LIPI: variants seen among roughly 807,000 people sequenced by gnomAD.
LIPI encodes lipase member I.
A neutral mutation model predicts 50.6 loss-of-function variants in LIPI; 59 were observed. That is an observed-to-expected ratio of 1.16 (90% confidence interval 0.94 to 1.45). LIPI has a LOEUF of 1.45. LIPI is among the 40% of genes most tolerant of loss of function. The probability of loss-of-function intolerance (pLI) is 0.00; values close to 1 mark genes in which losing one functional copy is unlikely to be tolerated. For missense variants in LIPI, 586 were observed against 536.3 expected (o/e 1.09, Z -0.92); for synonymous variants, 203 against 178.2 (o/e 1.14, Z -1.11).
chr21:14,142,340 T>C (rs2017740954), intron 9 of LIPI, among the ~76,000 whole-genome samples: 1 of 151,306 alleles, frequency 6.6e-6, no homozygotes, highest in Admixed American at 6.6e-5. Flanking sequence ...TGAAATAACA[T>C]TGAATAAATA....
In LIPI at chr21:14,109,078, G is replaced by T; in HGVS notation, c.1298C>A (p.Pro433Gln). 1 of 1,593,174 alleles carries T rather than the reference G, an allele frequency of 6.3e-7. No individual in the cohort carries two copies. The highest frequency in any genetic ancestry group is 8.6e-7 in the Non-Finnish European group (1 of 1,161,850). The change falls in exon 10 of 10, where the codon CCA (proline) becomes CAA (glutamine). Residue 433 changes from proline to glutamine, a missense_variant and splice_region_variant. Coordinates refer to ENST00000681601, the MANE Select transcript of LIPI (RefSeq NM_001302998.2). ...MLKSLTYPER[P>Q]PLCRYNIVLK... ...TACAATATTATACCTGCAAAGTGGT[G>T]GTCTGAGAAAGAGAAAAATGGAGAG... is the stretch of plus-strand genomic sequence containing the variant.
At chr21:14,192,298 C>T (rs1443721392) in intron 1 of LIPI, among the ~76,000 whole-genome samples, 2 of 152,076 alleles carry the variant, frequency 1.3e-5, no homozygotes, top group Non-Finnish European at 2.9e-5. Context: ...AACCTCATTT[C>T]TACTAAAAAT....
At chr21:14,114,972 C>A (rs1426810558) in intron 9 of LIPI, among the ~76,000 whole-genome samples, 1 of 152,120 alleles carries the variant, frequency 6.6e-6, no homozygotes, top group African/African-American at 2.4e-5. Context: ...AAACAACATC[C>A]TTAAAGAATT....
chr21:14,196,126 G>GTT (rs35760637), intron 1 of LIPI, among the ~76,000 whole-genome samples: 7,419 of 136,522 alleles, frequency 0.054, 631 homozygotes, highest in African/African-American at 0.17. Context: ...AGTTCGTAGC[G>GTT]TTTTTTTTTT....
intron 1 of LIPI, among the ~76,000 whole-genome samples, chr21:14,196,172 A>AAAACAAT (rs139955022): frequency 1.9e-4 from 26 of 138,332 alleles, no homozygotes; most frequent in Non-Finnish European, 2.9e-4. Context: ...AAAAAACAAA[A>AAAACAAT]CAAGAAGTAT....
At chr21:14,172,092 T>G (rs551845445) in intron 4 of LIPI, among the ~76,000 whole-genome samples, 136 of 152,276 alleles carry the variant, frequency 8.9e-4, no homozygotes, top group Admixed American at 2.5e-3. Context: ...AAGACACCTA[T>G]GCAGCCAAAA....
chr21:14,162,061 CT>C (rs1360633019), intron 7 of LIPI, among the ~76,000 whole-genome samples: 3 of 148,294 alleles, frequency 2.0e-5, no homozygotes, highest in South Asian at 2.1e-4. Context: ...ATCTCTACCC[CT>C]ATTGATAGAT....
At chr21:14,189,919 T>C (rs1389344482) in intron 1 of LIPI, among the ~76,000 whole-genome samples, 2 of 152,098 alleles carry the variant, frequency 1.3e-5, no homozygotes, top group African/African-American at 4.8e-5. Flanking sequence ...AACATGAATG[T>C]TGAGATCATA....
intron 3 of LIPI, among the ~76,000 whole-genome samples, chr21:14,182,091 G>A (rs1449135060): frequency 6.6e-6 from 1 of 152,106 alleles, no homozygotes; most frequent in African/African-American, 2.4e-5. Context: ...ACAAAATATT[G>A]TCGGAATTTT....
chr21:14,174,949 A>G (rs187467699), intron 4 of LIPI, among the ~76,000 whole-genome samples: 62 of 152,310 alleles, frequency 4.1e-4, no homozygotes, highest in African/African-American at 1.5e-3. Flanking sequence ...TATTTTATGT[A>G]GGCTTTTGTT....
chr21:14,141,598 T>C (rs186145960), intron 9 of LIPI, among the ~76,000 whole-genome samples: 19 of 151,090 alleles, frequency 1.3e-4, no homozygotes, highest in Admixed American at 6.6e-4. Context: ...CCTTTTCTTC[T>C]TGCATTGCTA....
chr21:14,163,492 T>C lies in LIPI; in HGVS notation c.933A>G (p.Leu311=). 6.3e-7 allele frequency: 1 copy of C among 1,584,370 alleles called. No homozygotes were observed. Among genetic ancestry groups the C allele is most frequent in the Non-Finnish European group, 8.7e-7 (1 of 1,153,194 alleles). Residue 311 remains leucine, a synonymous_variant, in exon 7 of 10, where the codon TTA becomes TTG. Transcript: ENST00000681601. ...GYQAKLFKGV[L]KERMEGRPLR... ...GAGGTCTTCCTTCCATCCTTTCTTT[T>C]AAAACACCTTTAAATAGCTTGGCTT...
intron 2 of LIPI, among the ~76,000 whole-genome samples, chr21:14,187,783 C>A (rs1183893965): frequency 6.6e-6 from 1 of 152,062 alleles, no homozygotes; most frequent in Non-Finnish European, 1.5e-5. Flanking sequence ...AAATGTCACC[C>A]ACTGATTAAG....
intron 4 of LIPI, among the ~76,000 whole-genome samples, chr21:14,172,572 T>C (rs2018953602): frequency 6.6e-6 from 1 of 151,870 alleles, no homozygotes; most frequent in African/African-American, 2.4e-5. Context: ...TGTAGGGACA[T>C]GGATGAAATT....
intron 4 of LIPI, among the ~76,000 whole-genome samples, chr21:14,173,153 A>C (rs1055314669): frequency 6.6e-6 from 1 of 152,198 alleles, no homozygotes; most frequent in Non-Finnish European, 1.5e-5. Flanking sequence ...TATTTGTGCG[A>C]ATACGCTCGG....
At chr21:14,165,154 C>A (rs536620098) in intron 6 of LIPI, 69 bp downstream of exon 6, 19 of 1,231,362 alleles carry the variant, frequency 1.5e-5, no homozygotes, top group Non-Finnish European at 2.1e-5. Context: ...TAGCTTCCAG[C>A]AGAAAATACT....
intron 7 of LIPI, 67 bp from the exon 8 acceptor site, chr21:14,152,751 G>C: frequency 1.4e-6 from 1 of 730,866 alleles, no homozygotes; most frequent in East Asian, 2.8e-5. Context: ...TACATATTCA[G>C]ATATATATAT....
Position 14,181,616 on chromosome 21 carries a change from T to C in LIPI, c.643+142A>G, listed in dbSNP as rs2019272402. The C allele has an allele frequency of 4.9e-6, 3 of 617,904 alleles. No individual in the cohort carries two copies. The African/African-American group carries it at 5.5e-5, about 11-fold the overall frequency. The allele number at this position is 617,904 out of a possible 1,614,324, so 38.3% of individuals were successfully genotyped here. On this transcript the variant is annotated intron_variant, in intron 4 of 9. Transcript: ENST00000681601. Reference sequence around the variant, plus strand: ...ATCACTAACCCTAAGAAATATTGCTTGGGAAATATTATCATTCTATAATTA... The same window carrying C: ...ATCACTAACCCTAAGAAATATTGCTCGGGAAATATTATCATTCTATAATTA...
At chr21:14,122,577 G>T (rs978281252) in intron 9 of LIPI, among the ~76,000 whole-genome samples, 4 of 152,156 alleles carry the variant, frequency 2.6e-5, no homozygotes, top group African/African-American at 9.7e-5. Context: ...CAGCAGTAAG[G>T]CTGCTAAGAT....
Sources: gnomAD v4.1 joint callset for allele counts (sites outside exome capture counted in the v4.1 genomes callset) on GRCh38, gnomAD v4.1.1 for gene constraint, MANE v1.5 for transcripts, NCBI Gene and HGNC (gene_info 2026-07-23, HGNC 2026-07-21) for gene names.